TRIM43B: variants seen among roughly 807,000 people sequenced by gnomAD.
TRIM43B encodes tripartite motif-containing protein 43B.
TRIM43B carries 15 observed loss-of-function variants against 27.0 expected under a neutral mutation model. The observed-to-expected ratio is 0.55, with a 90% confidence interval of 0.37 to 0.85. The LOEUF is 0.85. Ranked by LOEUF, TRIM43B falls within the 40% of genes least tolerant of loss-of-function variation. The probability of loss-of-function intolerance (pLI) is 0.00; values close to 1 mark genes in which losing one functional copy is unlikely to be tolerated. For synonymous variants in TRIM43B, 69 were observed against 97.8 expected (o/e 0.71, Z 1.74); for missense variants, 172 against 289.8 (o/e 0.59, Z 2.95).
intron 3 of TRIM43B, among the ~76,000 whole-genome samples, 189 bp downstream of exon 3, chr2:95,481,406 T>C (rs1388973986): frequency 2.0e-5 from 3 of 152,206 alleles, no homozygotes; most frequent in Admixed American, 2.0e-4. Context: ...ATTTATTTTT[T>C]ACTTATCTGA....
chr2:95,481,992 TG>T (rs1683535869), intron 2 of TRIM43B, among the ~76,000 whole-genome samples: 1 of 151,632 alleles, frequency 6.6e-6, no homozygotes, highest in East Asian at 1.9e-4. Flanking sequence ...CATACTCATT[TG>T]TCCAGTAATA....
Position 95,481,702 on chromosome 2 carries a change from T to A in TRIM43B, c.412-12A>T. The A allele has an allele frequency of 6.2e-7, 1 of 1,610,110 alleles. No homozygotes were observed. The highest frequency in any genetic ancestry group is 1.1e-5 in the South Asian group (1 of 90,006). Reference sequence around the variant, plus strand: ...TTTAAGAGTTTCTCCTGCAAAAGAATTAAAGGTTGAACAGAAAGTCAAATA... The same window carrying A: ...TTTAAGAGTTTCTCCTGCAAAAGAAATAAAGGTTGAACAGAAAGTCAAATA... On this transcript the variant is annotated splice_polypyrimidine_tract_variant and intron_variant, in intron 2 of 6. Coordinates refer to ENST00000639673, the Ensembl canonical transcript of TRIM43B.
At chr2:95,482,628 G>A in exon 2 of TRIM43B, 1 of 1,613,760 alleles carries the variant, frequency 6.2e-7, no homozygotes, top group Non-Finnish European at 8.5e-7. Context: ...TGTGCCCACA[G>A]CAGATGGTGA....
At position 95,480,577 on chromosome 2, in the gene TRIM43B, C is replaced by T. The variant is rs1573603427; in HGVS notation, c.508-42G>A. 4.4e-6 allele frequency: 7 copies of T among 1,601,740 alleles called. No homozygotes were observed. The East Asian group carries it at 1.6e-4, about 37-fold the overall frequency. ...TTTGTAGGTTATATACCCAGGCCTA[C>T]TTCCACCTCACAGAGCCCACAACTT... On this transcript the variant is annotated intron_variant, in intron 3 of 6. Transcript: ENST00000639673.
intron 1 of TRIM43B, among the ~76,000 whole-genome samples, chr2:95,483,602 C>A (rs1573604998): frequency 1.3e-5 from 2 of 150,896 alleles, no homozygotes. Context: ...CTGAGGCTGG[C>A]AGATCACGAT....
exon 1 of TRIM43B, chr2:95,484,721 T>G (rs1452448543): frequency 6.6e-6 from 1 of 151,728 alleles, no homozygotes; most frequent in East Asian, 1.9e-4. Flanking sequence ...CCAAAGCCAG[T>G]TGCAAAGCTA....
At chr2:95,480,499 C>G (rs753593295) in exon 4 of TRIM43B, 3 of 1,607,692 alleles carry the variant, frequency 1.9e-6, no homozygotes, top group Non-Finnish European at 8.5e-7. Flanking sequence ...TTCCTATACT[C>G]ATTCCTGATC....
chr2:95,483,584 C>G (rs1440964121), intron 1 of TRIM43B, among the ~76,000 whole-genome samples: 1 of 151,182 alleles, frequency 6.6e-6, no homozygotes, highest in Non-Finnish European at 1.5e-5. Context: ...TTTGGGAGGC[C>G]GAGGTGGCTG....
At chr2:95,480,168 T>C in intron 4 of TRIM43B, 137 bp downstream of exon 4, 1 of 1,262,532 alleles carries the variant, frequency 7.9e-7, no homozygotes, top group South Asian at 1.6e-5. Flanking sequence ...AGTTATAGTT[T>C]ATCTCTATAA....
At chr2:95,480,844 C>A (rs543768387) in intron 3 of TRIM43B, among the ~76,000 whole-genome samples, 1 of 152,088 alleles carries the variant, frequency 6.6e-6, no homozygotes, top group East Asian at 1.9e-4. Context: ...GTTGTTGTTT[C>A]AAATCTCTGT....
chr2:95,483,568 G>A (rs986024986), intron 1 of TRIM43B, among the ~76,000 whole-genome samples: 16 of 151,048 alleles, frequency 1.1e-4, no homozygotes, highest in African/African-American at 3.9e-4. Flanking sequence ...CCTGTAATCC[G>A]AGCACTTTGG....
At chr2:95,482,329 A>G (rs1683544422) in exon 2 of TRIM43B, 1 of 1,611,416 alleles carries the variant, frequency 6.2e-7, no homozygotes, top group Non-Finnish European at 8.5e-7. Context: ...TGCCTCTTCG[A>G]TGGGATAGTG....
chr2:95,482,863 A>T, intron 1 of TRIM43B, 145 bp from the exon 2 acceptor site: 2 of 1,468,090 alleles, frequency 1.4e-6, no homozygotes. Flanking sequence ...AAATAGGAAA[A>T]ATAGAAAACT....
chr2:95,481,012 T>G (rs1683512255), intron 3 of TRIM43B, among the ~76,000 whole-genome samples: 1 of 152,096 alleles, frequency 6.6e-6, no homozygotes, highest in South Asian at 2.1e-4. Context: ...TTCTGTCAAA[T>G]CCATAGACTC....
At chr2:95,481,239 A>G (rs1210608799) in intron 3 of TRIM43B, among the ~76,000 whole-genome samples, 6 of 151,964 alleles carry the variant, frequency 3.9e-5, no homozygotes, top group Non-Finnish European at 7.4e-5. Context: ...TACTGTTCCC[A>G]CCCGATTTCT....
chr2:95,480,729 T>TA lies in TRIM43B; in HGVS notation c.508-195dup, dbSNP rs1424382469. ...CACCTGCAAAAAAGCCCTTTAGGTT[T>TA]AAATGTTTAAATCAAATCGGAAATA... is the stretch of plus-strand genomic sequence containing the variant. On this transcript the variant is annotated intron_variant, in intron 3 of 6. Transcript: ENST00000639673. Among the ~76,000 whole-genome samples, 20 of 152,178 alleles carry TA rather than the reference T, an allele frequency of 1.3e-4. No homozygotes were observed. The East Asian group carries it at 3.1e-3, about 23-fold the overall frequency.
rs1683557830 is a variant in TRIM43B at position 95,482,738 on chromosome 2, G to A, written c.-4-20C>T. The A allele has an allele frequency of 6.3e-7, 1 of 1,574,998 alleles. No homozygotes were observed. The highest frequency in any genetic ancestry group is 1.7e-4 in the Middle Eastern group (1 of 5,788). On this transcript the variant is annotated intron_variant, in intron 1 of 6. Coordinates refer to ENST00000639673, the Ensembl canonical transcript of TRIM43B. ...ATTTTCCTAAGGAAAGAAAACCACAGGAATTTAATCTTCTACCCTGGAGAG... is the reference window on the plus strand; with the variant it reads ...ATTTTCCTAAGGAAAGAAAACCACAAGAATTTAATCTTCTACCCTGGAGAG...
At chr2:95,482,794 C>G in intron 1 of TRIM43B, 76 bp from the exon 2 acceptor site, 1 of 1,535,268 alleles carries the variant, frequency 6.5e-7, no homozygotes, top group Non-Finnish European at 8.7e-7. Context: ...TGAATCAGAT[C>G]GTGATCGAAT....
At chr2:95,483,122 C>A (rs1043756036) in intron 1 of TRIM43B, among the ~76,000 whole-genome samples, 1 of 152,106 alleles carries the variant, frequency 6.6e-6, no homozygotes, top group African/African-American at 2.4e-5. Flanking sequence ...GCTAACTAAG[C>A]TCTTCTACTC....
Sources: allele counts gnomAD v4.1 joint callset (sites outside exome capture counted in the v4.1 genomes callset), GRCh38; gene constraint gnomAD v4.1.1; transcripts MANE v1.5; gene names NCBI Gene and HGNC (gene_info 2026-07-23, HGNC 2026-07-21).